Variants in RNF146 observed in about 807,000 individuals in gnomAD.
The protein encoded by RNF146 is ring finger protein 146, also known as E3 ubiquitin-protein ligase RNF146.
In RNF146, 11 loss-of-function variants were observed where a neutral mutation model predicts 29.7. The observed-to-expected ratio is 0.37, with a 90% confidence interval of 0.23 to 0.61. The LOEUF is 0.61. RNF146 is among the 20% of genes least tolerant of loss of function. RNF146 has a pLI of 0.66. For synonymous variants in RNF146, 150 were observed against 159.7 expected (o/e 0.94, Z 0.46); for missense variants, 342 against 438.9 (o/e 0.78, Z 1.97).
chr6:127,273,645 A>G (rs894956714), intron 1 of RNF146, among the ~76,000 whole-genome samples: 4 of 152,152 alleles, frequency 2.6e-5, no homozygotes, highest in Non-Finnish European at 4.4e-5. Flanking sequence ...TTGAAAGGTC[A>G]GCTGTATGAG....
At chr6:127,284,804 C>T (rs1562290009) in intron 2 of RNF146, among the ~76,000 whole-genome samples, 1 of 151,862 alleles carries the variant, frequency 6.6e-6, no homozygotes, top group African/African-American at 2.4e-5. Flanking sequence ...AACTTGTGGG[C>T]CACATGTGGC....
intron 1 of RNF146, among the ~76,000 whole-genome samples, chr6:127,269,799 AT>A (rs1377207906): frequency 2.6e-5 from 4 of 151,922 alleles, no homozygotes; most frequent in Admixed American, 6.5e-5. Flanking sequence ...TGTATATATA[AT>A]TTTTTTTGAG....
intron 2 of RNF146, among the ~76,000 whole-genome samples, chr6:127,281,288 C>G (rs1353811205): frequency 1.3e-5 from 2 of 151,386 alleles, no homozygotes; most frequent in African/African-American, 4.8e-5. Context: ...TAATCCTGTC[C>G]ATTTATCTAT....
intron 1 of RNF146, among the ~76,000 whole-genome samples, chr6:127,270,206 G>A (rs1012625320): frequency 6.6e-6 from 1 of 152,074 alleles, no homozygotes; most frequent in African/African-American, 2.4e-5. Flanking sequence ...TTATTTGAAT[G>A]GGTCAAGATT....
chr6:127,267,689 C>T (rs879528107), intron 1 of RNF146, among the ~76,000 whole-genome samples: 1 of 152,122 alleles, frequency 6.6e-6, no homozygotes, highest in Admixed American at 6.5e-5. Flanking sequence ...GCTGCATATT[C>T]TTAGTTGTTT....
At chr6:127,275,583 C>T (rs1778090416) in intron 1 of RNF146, among the ~76,000 whole-genome samples, 1 of 152,038 alleles carries the variant, frequency 6.6e-6, no homozygotes, top group South Asian at 2.1e-4. Flanking sequence ...TTCATGATTT[C>T]ACAGAAGAGT....
chr6:127,267,595 T>C (rs1313639200), intron 1 of RNF146, among the ~76,000 whole-genome samples: 2 of 152,140 alleles, frequency 1.3e-5, no homozygotes, highest in African/African-American at 4.8e-5. Context: ...TCGCTCTTCC[T>C]CCTTTTTTTT....
Position 127,280,286 on chromosome 6 carries a change from G to A in RNF146, c.-53G>A. The A allele has an allele frequency of 6.5e-7, 1 of 1,541,916 alleles. No homozygotes were observed. Among genetic ancestry groups the A allele is most frequent in the Non-Finnish European group, 8.8e-7 (1 of 1,140,050 alleles). On this transcript the variant is annotated 5_prime_UTR_variant, in exon 2 of 3. It adds an upstream start codon to the 5' untranslated region. Transcript: ENST00000368314. Reference sequence around the variant, plus strand: ...AATACTGTAAGCTGGCTGACTGCTGGTGAAGAAAATGCTTTATTTTTGTGG... The same window carrying A: ...AATACTGTAAGCTGGCTGACTGCTGATGAAGAAAATGCTTTATTTTTGTGG...
chr6:127,266,877 G>C lies in RNF146; in HGVS notation c.-157G>C, dbSNP rs1776671550. On this transcript the variant is annotated 5_prime_UTR_variant, in exon 1 of 3. Transcript: ENST00000368314. ...CGCGTTCCCGGCAGCTGCGGGCTCC[G>C]AGGCCAGAGAGAAAAGACTGCGAGG... is the stretch of plus-strand genomic sequence containing the variant. 1 of 151,872 alleles carries C rather than the reference G, an allele frequency of 6.6e-6. No homozygotes were observed. Among genetic ancestry groups the C allele is most frequent in the African/African-American group, 2.4e-5 (1 of 41,326 alleles). The allele number at this position is 151,872 out of a possible 1,614,324, so 9.4% of individuals were successfully genotyped here.
intron 2 of RNF146, chr6:127,280,651 A>G (rs550004244): frequency 2.5e-6 from 2 of 812,286 alleles, no homozygotes; most frequent in African/African-American, 1.8e-5. Flanking sequence ...TTCTTAAATA[A>G]CTAAGCTAGG....
chr6:127,279,241 T>C (rs1373475873), intron 1 of RNF146, among the ~76,000 whole-genome samples: 1 of 151,916 alleles, frequency 6.6e-6, no homozygotes, highest in Non-Finnish European at 1.5e-5. Context: ...ATTAAGAGTT[T>C]TATGGTTTTA....
chr6:127,276,209 A>C (rs1778188971), intron 1 of RNF146, among the ~76,000 whole-genome samples: 1 of 152,026 alleles, frequency 6.6e-6, no homozygotes, highest in African/African-American at 2.4e-5. Flanking sequence ...TCAAAGGCTT[A>C]ATAAATGAGG....
chr6:127,273,774 T>A (rs578190702), intron 1 of RNF146, among the ~76,000 whole-genome samples: 1 of 151,914 alleles, frequency 6.6e-6, no homozygotes, highest in Non-Finnish European at 1.5e-5. Flanking sequence ...AAAAAAAAAA[T>A]TGAAGAAATA....
At chr6:127,268,722 T>G (rs1205657311) in intron 1 of RNF146, among the ~76,000 whole-genome samples, 1 of 152,078 alleles carries the variant, frequency 6.6e-6, no homozygotes, top group African/African-American at 2.4e-5. Context: ...TCAGGAAAAC[T>G]CTCTCCAAAT....
rs1582905277 is a variant in RNF146, at chr6:127,287,002, C to T, written c.389C>T (p.Ser130Phe). The T allele has an allele frequency of 6.2e-7, 1 of 1,613,106 alleles. No individual in the cohort carries two copies. The highest frequency in any genetic ancestry group is 1.1e-5 in the South Asian group (1 of 91,066). ...RTSRELEDAFSKGKKNTEMLI... is the reference protein window; with the variant it reads ...RTSRELEDAFFKGKKNTEMLI... ...AGTAGAGAGCTGGAAGATGCTTTTT[C>T]CAAAGGTAAAAAGAACACTGAAATG... is the stretch of plus-strand genomic sequence containing the variant. The change falls in exon 3 of 3, where the codon TCC becomes TTC. Residue 130 changes from serine (S) to phenylalanine (F), a missense_variant. Ser to Phe is a radical substitution (Grantham distance 155). This residue lies in a region of RNF146 where 50 missense variants were observed against 54.9 expected (regional missense o/e 0.91). Coordinates refer to ENST00000368314, the MANE Select transcript of RNF146 (RefSeq NM_001242850.2).
Position 127,286,667 on chromosome 6 carries a change from C to A in RNF146, c.54C>A (p.Asn18Lys). Reference sequence around the variant, plus strand: ...ATTCAATAAACATGCTTCCTACAAACAGGAAAGCGAACGAGTCCTGTTCTA... The same window carrying A: ...ATTCAATAAACATGCTTCCTACAAAAAGGAAAGCGAACGAGTCCTGTTCTA... ...IDHSINMLPT[N>K]RKANESCSNT... Residue 18 changes from asparagine to lysine, a missense_variant, in exon 3 of 3, where the codon AAC becomes AAA. Physicochemically the swap from Asn to Lys is moderately conservative, Grantham distance 94. Around this residue, in one of 6 missense-constraint regions of RNF146, gnomAD observed 39 missense variants for 43.1 expected, o/e 0.90. Transcript: ENST00000368314. The surrounding 1 kb of genome is among the most constrained non-coding windows in gnomAD (Gnocchi z 4.6). 1 of 1,612,850 alleles carries A rather than the reference C, an allele frequency of 6.2e-7. No homozygotes were observed. The highest frequency in any genetic ancestry group is 1.1e-5 in the South Asian group (1 of 90,918).
At chr6:127,285,790 TAGTA>T (rs1218003042) in intron 2 of RNF146, among the ~76,000 whole-genome samples, 1 of 151,924 alleles carries the variant, frequency 6.6e-6, no homozygotes, top group African/African-American at 2.4e-5. Context: ...ACTGTTATTT[TAGTA>T]AGTATGTTAA....
chr6:127,272,094 C>T (rs1008108754), intron 1 of RNF146, among the ~76,000 whole-genome samples: 4 of 152,156 alleles, frequency 2.6e-5, no homozygotes, highest in Admixed American at 1.3e-4. Flanking sequence ...GAATTTGAAT[C>T]GCATCTCCCA....
At chr6:127,270,756 G>A (rs1173855435) in intron 1 of RNF146, among the ~76,000 whole-genome samples, 1 of 151,714 alleles carries the variant, frequency 6.6e-6, no homozygotes, top group Non-Finnish European at 1.5e-5. Context: ...TCCTGAAAAA[G>A]ATGAAGGCCT....
Sources: allele counts gnomAD v4.1 joint callset (sites outside exome capture counted in the v4.1 genomes callset), GRCh38; gene constraint gnomAD v4.1.1; regional missense constraint gnomAD v4.1.1; non-coding constraint Gnocchi (gnomAD v3.1); transcripts MANE v1.5; gene names NCBI Gene and HGNC (gene_info 2026-07-23, HGNC 2026-07-21).